Variants in PKD1 observed in about 807,000 individuals in gnomAD.
The protein encoded by PKD1 is polycystin-1.
PKD1 carries 81 observed loss-of-function variants against 361.7 expected under a neutral mutation model. The ratio of observed to expected loss-of-function variants is 0.22; its 90% CI spans 0.19 to 0.27. The LOEUF (loss-of-function observed/expected upper bound fraction) is 0.27, where lower values mean the gene tolerates loss of function less well. Ranked by LOEUF, PKD1 falls within the 10% of genes least tolerant of loss-of-function variation. PKD1 has a pLI of 1.00. For missense variants in PKD1, 6,399 were observed against 6,118.3 expected (o/e 1.05, Z -1.53); for synonymous variants, 3,615 against 2,818.3 (o/e 1.28, Z -8.95).
In PKD1 at chr16:2,117,514, G is replaced by A. The variant is rs765408067; in HGVS notation, c.1360C>T (p.Arg454Cys). 2.1e-5 allele frequency: 33 copies of A among 1,575,836 alleles called. No individual in the cohort carries two copies. Among genetic ancestry groups the A allele is most frequent in the African/African-American group, 2.7e-5 (2 of 74,090 alleles). ...CTGGTGACCCGGGAGACCAGGAAGCGCTGCACGGCGGGACTGTCCACCATT... is the reference window on the plus strand; with the variant it reads ...CTGGTGACCCGGGAGACCAGGAAGCACTGCACGGCGGGACTGTCCACCATT... The part of the protein sequence containing the change: ...LAMVDSPAVQ[R>C]FLVSRVTRSL... Residue 454 changes from arginine to cysteine, a missense_variant, in exon 6 of 46, where the codon CGC becomes TGC. Transcript: ENST00000262304.
In PKD1 at chr16:2,114,428, A is replaced by G. The variant is rs1441289891; in HGVS notation, c.2595T>C (p.Ser865=). 5 of 1,601,514 alleles carry G rather than the reference A, an allele frequency of 3.1e-6. No individual in the cohort carries two copies. The highest frequency in any genetic ancestry group is 1.3e-5 in the African/African-American group (1 of 74,826). Residue 865 remains serine (S), a synonymous_variant, in exon 11 of 46, where the codon AGT becomes AGC. Coordinates refer to ENST00000262304, the MANE Select transcript of PKD1 (RefSeq NM_001009944.3). ...AGACATTCTCAAAGCGGGCGCTGACACTGCCCCCAGGCCAGCGAGCCGTGG... is the reference window on the plus strand; with the variant it reads ...AGACATTCTCAAAGCGGGCGCTGACGCTGCCCCCAGGCCAGCGAGCCGTGG... ...ATATARWPGG[S]VSARFENVCP...
chr16:2,088,731 T>G lies in PKD1; in HGVS notation c.*996A>C. On this transcript the variant is annotated 3_prime_UTR_variant, in exon 46 of 46. Coordinates refer to ENST00000262304, the MANE Select transcript of PKD1 (RefSeq NM_001009944.3). ...GATTGCAGTCAGACAGCTCTTTTAT[T>G]GACTTTGTCTGCTTGGTGCGGGGGT... is the stretch of plus-strand genomic sequence containing the variant. 7.4e-7 allele frequency: 1 copy of G among 1,349,432 alleles called. No homozygotes were observed. Among genetic ancestry groups the G allele is most frequent in the South Asian group, 1.3e-5 (1 of 74,854 alleles). 83.6% of individuals were successfully genotyped at this position (1,349,432 alleles called of 1,614,324 possible).
intron 22 of PKD1, 114 bp downstream of exon 22, chr16:2,104,384 G>C: frequency 1.6e-6 from 1 of 610,932 alleles, no homozygotes. Context: ...ATTGGGGGGA[G>C]GGGAGGGGGA....
At position 2,088,714 on chromosome 16, in the gene PKD1, TCAGA is replaced by T. The variant is rs952864367; in HGVS notation, c.*1009_*1012del. 7 of 1,431,548 alleles carry T rather than the reference TCAGA, an allele frequency of 4.9e-6. No individual in the cohort carries two copies. The African/African-American group carries it at 8.6e-5, about 18-fold the overall frequency. 88.7% of individuals were successfully genotyped at this position (1,431,548 alleles called of 1,614,324 possible). A position where few individuals can be genotyped will look rare whatever the true frequency, so the allele number is the denominator to read the frequency against. Reference sequence around the variant, plus strand: ...ACAGACATAGAGGCACAGATTGCAGTCAGACAGCTCTTTTATTGACTTTGTCTGC... The same window carrying T: ...ACAGACATAGAGGCACAGATTGCAGTCAGCTCTTTTATTGACTTTGTCTGC... On this transcript the variant is annotated 3_prime_UTR_variant, in exon 46 of 46. Coordinates refer to ENST00000262304, the MANE Select transcript of PKD1 (RefSeq NM_001009944.3).
chr16:2,089,719 A>C lies in PKD1; in HGVS notation c.*8T>G, dbSNP rs767068030. On this transcript the variant is annotated 3_prime_UTR_variant, in exon 46 of 46. Coordinates refer to ENST00000262304, the MANE Select transcript of PKD1 (RefSeq NM_001009944.3). ...GACTCCACGGCCCACCCCCGCCAGG[A>C]AGGAGGACTAAGTGCTGCTGGGGTG... 185 of 1,575,044 alleles carry C rather than the reference A, an allele frequency of 1.2e-4. No individual in the cohort carries two copies. The highest frequency in any genetic ancestry group is 1.5e-4 in the Non-Finnish European group (177 of 1,161,944).
chr16:2,091,932 C>T, intron 40 of PKD1, 26 bp from the exon 41 acceptor site: 2 of 1,611,500 alleles, frequency 1.2e-6, no homozygotes, highest in Non-Finnish European at 8.5e-7. Flanking sequence ...GGCGTGGGTG[C>T]CGCACCCCAG....
Position 2,090,813 on chromosome 16 carries a change from G to A in PKD1, c.12004-5C>T, listed in dbSNP as rs1017581799. Reference sequence around the variant, plus strand: ...GAAGCGTAGCTGCTGGGCAGCCTGCGGACGAGAAATCTGTCTGCTTGCAGC... The same window carrying A: ...GAAGCGTAGCTGCTGGGCAGCCTGCAGACGAGAAATCTGTCTGCTTGCAGC... On this transcript the variant is annotated splice_region_variant and splice_polypyrimidine_tract_variant and intron_variant, in intron 43 of 45. Transcript: ENST00000262304. 11 of 1,612,134 alleles carry A rather than the reference G, an allele frequency of 6.8e-6. No homozygotes were observed. Among genetic ancestry groups the A allele is most frequent in the East Asian group, 2.2e-5 (1 of 44,886 alleles).
Position 2,100,092 on chromosome 16 carries a change from C to T in PKD1, c.9713-21G>A, listed in dbSNP as rs371213519. 8.4e-4 allele frequency: 1,344 copies of T among 1,604,652 alleles called. 2 individuals carry two copies. Among genetic ancestry groups the T allele is most frequent in the South Asian group, 1.8e-3 (164 of 90,462 alleles). ...GTCGCCTAGAAGGCAGGGAGGGCCG[C>T]ACTGCAGGAGGCCACGGGGCAGGAC... On this transcript the variant is annotated intron_variant, in intron 28 of 45. Transcript: ENST00000262304. This position sits in a 1 kb window ranked among gnomAD's most constrained non-coding sequence, Gnocchi z 4.4.
chr16:2,122,300 C>T (rs886429674), intron 1 of PKD1, among the ~76,000 whole-genome samples: 11 of 152,220 alleles, frequency 7.2e-5, no homozygotes, highest in Non-Finnish European at 1.3e-4. Context: ...CAGTTCCCTT[C>T]CCCCAGGGGC....
Position 2,090,034 on chromosome 16 carries a change from C to A in PKD1, c.12605G>T (p.Gly4202Val). The A allele has an allele frequency of 2.5e-6, 4 of 1,611,122 alleles. No homozygotes were observed. The highest frequency in any genetic ancestry group is 3.4e-6 in the Non-Finnish European group (4 of 1,179,302). The change falls in exon 46 of 46, where the codon GGC (glycine) becomes GTC (valine). Residue 4202 changes from glycine (G) to valine (V), a missense_variant. Gly to Val is a moderately radical substitution (Grantham distance 109). Transcript: ENST00000262304. ...SQLDGLSVSL[G>V]RLGTRCEPEP... is the part of the protein sequence containing the mutation. ...AGGCTCACACCTTGTCCCCAGCCGGCCCAGGCTCACGCTCAGCCCATCCAG... is the reference window on the plus strand; with the variant it reads ...AGGCTCACACCTTGTCCCCAGCCGGACCAGGCTCACGCTCAGCCCATCCAG...
chr16:2,104,189 G>A (rs2092230819), intron 22 of PKD1, among the ~76,000 whole-genome samples: 2 of 23,422 alleles, frequency 8.5e-5, no homozygotes, highest in East Asian at 9.9e-4. Flanking sequence ...GGAAAGGGAG[G>A]GGAAGGGGGA....
At chr16:2,131,805 A>T (rs2151851445) in intron 1 of PKD1, 1 of 152,220 alleles carries the variant, frequency 6.6e-6, no homozygotes, top group East Asian at 1.9e-4. Context: ...CCTGGGTGAC[A>T]GAGCCAGACT....
intron 6 of PKD1, 112 bp downstream of exon 6, chr16:2,117,377 G>A (rs1567216126): frequency 3.8e-6 from 3 of 791,586 alleles, no homozygotes; most frequent in East Asian, 2.7e-5. Context: ...CTGCTCACCA[G>A]GGCCGGCCCA....
chr16:2,102,835 T>G lies in PKD1; in HGVS notation c.8927A>C (p.Tyr2976Ser), dbSNP rs1357003922. 12 of 1,610,074 alleles carry G rather than the reference T, an allele frequency of 7.5e-6. No individual in the cohort carries two copies. Among genetic ancestry groups the G allele is most frequent in the Non-Finnish European group, 1.0e-5 (12 of 1,179,766 alleles). ...TCACCCCGGGGAAATGAAGAAGGTGTAGGGCCGGTGGTCAGCACCCTGGAG... is the reference window on the plus strand; with the variant it reads ...TCACCCCGGGGAAATGAAGAAGGTGGAGGGCCGGTGGTCAGCACCCTGGAG... The part of the protein sequence containing the change: ...ESLQGADHRP[Y>S]TFFISPGSRD... Residue 2976 changes from tyrosine (Y) to serine (S), a missense_variant, in exon 24 of 46, where the codon TAC becomes TCC. Tyr to Ser is a moderately radical substitution (Grantham distance 144). Transcript: ENST00000262304.
intron 11 of PKD1, among the ~76,000 whole-genome samples, chr16:2,113,493 T>C (rs1478068273): frequency 2.0e-5 from 3 of 152,118 alleles, no homozygotes; most frequent in Non-Finnish European, 2.9e-5. Flanking sequence ...CATGTAGTAC[T>C]ACTAATGCCT....
intron 1 of PKD1, among the ~76,000 whole-genome samples, chr16:2,133,747 G>C (rs1325628129): frequency 2.7e-5 from 4 of 149,910 alleles, no homozygotes; most frequent in Non-Finnish European, 5.9e-5. Context: ...AGGTCACCCT[G>C]TGCCCTGTTG....
rs757902037 is a variant in PKD1, at chr16:2,117,691, G to A, written c.1202-19C>T. The A allele has an allele frequency of 4.0e-5, 63 of 1,588,866 alleles. No individual in the cohort carries two copies. The highest frequency in any genetic ancestry group is 4.9e-5 in the Non-Finnish European group (57 of 1,160,688). ...TGCACCGCTGGAGACCGGTGGGAACGAGGGTGTCAACGGTCAGTGTGGGCC... is the reference window on the plus strand; with the variant it reads ...TGCACCGCTGGAGACCGGTGGGAACAAGGGTGTCAACGGTCAGTGTGGGCC... On this transcript the variant is annotated intron_variant, in intron 5 of 45. Coordinates refer to ENST00000262304, the MANE Select transcript of PKD1 (RefSeq NM_001009944.3).
rs1063400 is a variant in PKD1 at position 2,102,861 on chromosome 16, T to C, written c.8901A>G (p.Ser2967=). 1.3e-6 allele frequency: 2 copies of C among 1,547,782 alleles called. No individual in the cohort carries two copies. Among genetic ancestry groups the C allele is most frequent in the East Asian group, 2.4e-5 (1 of 42,540 alleles). The change falls in exon 24 of 46, where the codon TCA becomes TCG. Residue 2967 remains serine, a synonymous_variant. Coordinates refer to ENST00000262304, the MANE Select transcript of PKD1 (RefSeq NM_001009944.3). ...AGGGCCGGTGGTCAGCACCCTGGAG[T>C]GACTCTGGGCGGATCCTCCTGCTAG... ...CSASRRIRPE[S]LQGADHRPYT... is the part of the protein sequence containing the mutation.
Position 2,091,090 on chromosome 16 carries a change from G to A in PKD1, c.11797C>T (p.Leu3933Phe), listed in dbSNP as rs772949303. The A allele has an allele frequency of 2.7e-6, 4 of 1,503,184 alleles. No homozygotes were observed. The South Asian group carries it at 3.7e-5, about 14-fold the overall frequency. The allele number at this position is 1,503,184 out of a possible 1,614,324, so 93.1% of individuals were successfully genotyped here. The change falls in exon 43 of 46, where the codon CTC becomes TTC. Residue 3933 changes from leucine to phenylalanine, a missense_variant. Transcript: ENST00000262304. The stretch of plus-strand genomic sequence containing the variant: ...AGCAGCCACCGCGCCCAGGCTCCGA[G>A]CCGCAGCACGCGCCAGCGCCCTTCC... The part of the protein sequence containing the change: ...HREGRWRVLR[L>F]GAWARWLLVA...
Sources: gnomAD v4.1 joint callset for allele counts (sites outside exome capture counted in the v4.1 genomes callset) on GRCh38, gnomAD v4.1.1 for gene constraint, Gnocchi (gnomAD v3.1) non-coding constraint, MANE v1.5 for transcripts, NCBI Gene and HGNC (gene_info 2026-07-23, HGNC 2026-07-21) for gene names.